Variants in MBD2 observed in about 807,000 individuals in gnomAD.
The protein encoded by MBD2 is methyl-CpG binding domain protein 2.
MBD2 carries 9 observed loss-of-function variants against 39.3 expected under a neutral mutation model. The observed-to-expected ratio is 0.23, with a 90% CI of 0.14 to 0.40. MBD2 has a LOEUF of 0.40. Among genes scored for constraint, MBD2 ranks in the 10% least tolerant of loss-of-function variants. The pLI is 1.00. For synonymous variants in MBD2, 233 were observed against 211.1 expected, an observed-to-expected ratio of 1.10 and a Z score of -0.90; for missense variants, 458 against 532.6, an observed-to-expected ratio of 0.86 and a Z score of 1.38.
intron 1 of MBD2, among the ~76,000 whole-genome samples, chr18:54,214,668 T>C (rs1198537469): frequency 1.3e-5 from 2 of 152,018 alleles, no homozygotes; most frequent in African/African-American, 4.8e-5. Flanking sequence ...ATTTTACTGA[T>C]GCACTAACCA....
intron 3 of MBD2, among the ~76,000 whole-genome samples, chr18:54,180,445 C>T (rs572797): frequency 0.39 from 59,469 of 151,782 alleles, 12,027 homozygotes; most frequent in East Asian, 0.57. Context: ...AGAAAAATTT[C>T]CATTCATAAT....
chr18:54,166,880 G>A (rs1005399820), intron 3 of MBD2, among the ~76,000 whole-genome samples: 3 of 152,164 alleles, frequency 2.0e-5, no homozygotes, highest in Non-Finnish European at 4.4e-5. Context: ...AATGGTCCAA[G>A]GCAATTATAG....
At chr18:54,223,964 GACCCCTGACCCCGGCCTGACCCCGCC>G in intron 1 of MBD2, 28 bp downstream of exon 1, 1 of 1,447,712 alleles carries the variant, frequency 6.9e-7, no homozygotes, top group Non-Finnish European at 9.4e-7. Flanking sequence ...GCCCGCTCTT[GACCCCTGACCCCGGCCTGACCCCGCC>G]ACCCCCTCCC....
At chr18:54,184,352 T>C (rs1020089506) in intron 3 of MBD2, among the ~76,000 whole-genome samples, 1 of 152,086 alleles carries the variant, frequency 6.6e-6, no homozygotes, top group African/African-American at 2.4e-5. Context: ...GGAATCTAGG[T>C]TGCATGCTCC....
intron 2 of MBD2, among the ~76,000 whole-genome samples, chr18:54,200,029 A>G (rs1450590770): frequency 6.6e-6 from 1 of 151,992 alleles, no homozygotes; most frequent in Non-Finnish European, 1.5e-5. Context: ...CCATATACCA[A>G]TCCAAGTGTG....
chr18:54,180,830 A>G (rs957469853), intron 3 of MBD2, among the ~76,000 whole-genome samples: 1 of 151,888 alleles, frequency 6.6e-6, no homozygotes, highest in Non-Finnish European at 1.5e-5. Flanking sequence ...TGTTTTTAAA[A>G]TGAACTAGAA....
intron 2 of MBD2, among the ~76,000 whole-genome samples, chr18:54,192,475 C>CCGAGGCAGA (rs1425973542): frequency 1.3e-5 from 2 of 152,134 alleles, no homozygotes; most frequent in East Asian, 3.8e-4. Context: ...TTGTGATCTG[C>CCGAGGCAGA]CTGCCTCGGC....
chr18:54,202,326 T>TCAAAA (rs988059233), intron 2 of MBD2, among the ~76,000 whole-genome samples: 6 of 152,218 alleles, frequency 3.9e-5, no homozygotes, highest in East Asian at 1.9e-4. Context: ...AGACTCTGTC[T>TCAAAA]CAAAACAAAA....
chr18:54,177,869 T>C (rs917108605), intron 3 of MBD2, among the ~76,000 whole-genome samples: 1 of 142,756 alleles, frequency 7.0e-6, no homozygotes, highest in Non-Finnish European at 1.5e-5. Flanking sequence ...TATCACTCTG[T>C]TGCCCAAGCA....
At chr18:54,187,932 T>G in intron 3 of MBD2, 1 of 854,162 alleles carries the variant, frequency 1.2e-6, no homozygotes, top group Non-Finnish European at 1.4e-6. Context: ...GCCCAATCCT[T>G]TATGAAGTCT....
chr18:54,177,075 T>C (rs1029613035), intron 3 of MBD2, among the ~76,000 whole-genome samples: 3 of 152,232 alleles, frequency 2.0e-5, no homozygotes, highest in African/African-American at 7.2e-5. Flanking sequence ...AAGATGACCA[T>C]GGAATAAGAG....
chr18:54,194,230 T>C (rs2086346287), intron 2 of MBD2, among the ~76,000 whole-genome samples: 2 of 152,106 alleles, frequency 1.3e-5, no homozygotes, highest in African/African-American at 4.8e-5. Context: ...TGCTAATATT[T>C]AATAATAAAC....
intron 5 of MBD2, among the ~76,000 whole-genome samples, chr18:54,162,765 C>T (rs547060060): frequency 1.9e-4 from 29 of 152,188 alleles, no homozygotes; most frequent in Non-Finnish European, 3.5e-4. Context: ...ATTGATTTTA[C>T]ATTTTGTTTT....
intron 2 of MBD2, among the ~76,000 whole-genome samples, chr18:54,202,163 C>T (rs571891912): frequency 1.3e-5 from 2 of 151,748 alleles, no homozygotes; most frequent in African/African-American, 4.8e-5. Context: ...GCCAACATGA[C>T]GAAACCCCAA....
intron 1 of MBD2, among the ~76,000 whole-genome samples, chr18:54,208,795 T>C (rs1033439922): frequency 6.6e-6 from 1 of 152,166 alleles, no homozygotes; most frequent in African/African-American, 2.4e-5. Context: ...GAAAACATAA[T>C]AGAGCCTCAC....
At chr18:54,171,030 A>AT (rs879331620) in intron 3 of MBD2, among the ~76,000 whole-genome samples, 126 of 147,716 alleles carry the variant, frequency 8.5e-4, no homozygotes, top group East Asian at 2.4e-3. Flanking sequence ...AGCTAGTTTT[A>AT]TTTTTTTTTT....
Position 54,154,832 on chromosome 18 carries a change from A to T in MBD2, c.*492T>A, listed in dbSNP as rs1284803536. On this transcript the variant is annotated 3_prime_UTR_variant, in exon 7 of 7. Coordinates refer to ENST00000256429, the MANE Select transcript of MBD2 (RefSeq NM_003927.5). The stretch of plus-strand genomic sequence containing the variant: ...TGTGCTTTTCAACAGAAAGAATTCC[A>T]ATCAGTCTGTGAATATAATCATTTA... 1 of 152,664 alleles carries T rather than the reference A, an allele frequency of 6.6e-6. No individual in the cohort carries two copies. The highest frequency in any genetic ancestry group is 2.4e-5 in the African/African-American group (1 of 41,460). 9.5% of individuals were successfully genotyped at this position (152,664 alleles called of 1,614,324 possible). A position where few individuals can be genotyped will look rare whatever the true frequency, so the allele number is the denominator to read the frequency against.
At position 54,224,525 on chromosome 18, in the gene MBD2, G is replaced by T; in HGVS notation, c.35C>A (p.Pro12Gln). 8 of 1,228,300 alleles carry T rather than the reference G, an allele frequency of 6.5e-6. No individual in the cohort carries two copies. The highest frequency in any genetic ancestry group is 8.1e-6 in the Non-Finnish European group (8 of 986,146). 76.1% of individuals were successfully genotyped at this position (1,228,300 alleles called of 1,614,324 possible). ...RAHPGGGRCCPEQEEGESAAG... is the reference protein window; with the variant it reads ...RAHPGGGRCCQEQEEGESAAG... ...CGCACTCTCCCCCTCCTCCTGCTCC[G>T]GGCAGCAGCGGCCTCCCCCCGGGTG... Residue 12 changes from proline to glutamine, a missense_variant, in exon 1 of 7, where the codon CCG becomes CAG. Coordinates refer to ENST00000256429, the MANE Select transcript of MBD2 (RefSeq NM_003927.5).
At chr18:54,223,991 A>AC in intron 1 of MBD2, 27 bp downstream of exon 1, 9 of 480,546 alleles carry the variant, frequency 1.9e-5, no homozygotes, top group African/African-American at 3.4e-5. Flanking sequence ...TGACCCCGCC[A>AC]CCCCCTCCCC....
Sources: allele counts gnomAD v4.1 joint callset (sites outside exome capture counted in the v4.1 genomes callset), GRCh38; gene constraint gnomAD v4.1.1; transcripts MANE v1.5; gene names NCBI Gene and HGNC (gene_info 2026-07-23, HGNC 2026-07-21).